OPCML: variants seen among roughly 807,000 people sequenced by gnomAD.
OPCML encodes the protein opioid-binding protein/cell adhesion molecule.
In OPCML, 13 loss-of-function variants were observed where a neutral mutation model predicts 37.8. The ratio of observed to expected loss-of-function variants is 0.34; its 90% confidence interval spans 0.22 to 0.55. The LOEUF is 0.55. Ranked by LOEUF, OPCML falls within the 20% of genes least tolerant of loss-of-function variation. The pLI, the probability that OPCML is intolerant of heterozygous loss-of-function variation, is 0.91. For synonymous variants in OPCML, 176 were observed against 168.8 expected, an observed-to-expected ratio of 1.04 and a Z score of -0.33; for missense variants, 341 against 435.6, an observed-to-expected ratio of 0.78 and a Z score of 1.93.
At chr11:132,924,478 T>C (rs2136602077) in intron 2 of OPCML, among the ~76,000 whole-genome samples, 1 of 152,330 alleles carries the variant, frequency 6.6e-6, no homozygotes, top group African/African-American at 2.4e-5. Context: ...AGCAAGTCTA[T>C]TGAAGACAAA....
chr11:133,356,055 A>G (rs1944282223), intron 1 of OPCML, among the ~76,000 whole-genome samples: 1 of 152,238 alleles, frequency 6.6e-6, no homozygotes, highest in Non-Finnish European at 1.5e-5. Context: ...GACAGGTTGA[A>G]TTGTAGAACC....
intron 1 of OPCML, among the ~76,000 whole-genome samples, chr11:133,449,645 GTC>G (rs1188600183): frequency 1.3e-5 from 2 of 151,836 alleles, no homozygotes; most frequent in East Asian, 3.9e-4. Context: ...CATCACTCCA[GTC>G]TCTATCTTCA....
At chr11:132,975,995 C>T (rs1946454485) in intron 1 of OPCML, among the ~76,000 whole-genome samples, 1 of 152,192 alleles carries the variant, frequency 6.6e-6, no homozygotes, top group African/African-American at 2.4e-5. Context: ...TGGTCTCGAT[C>T]TCCTGACCTT....
At chr11:132,743,407 C>T (rs1945503842) in intron 2 of OPCML, among the ~76,000 whole-genome samples, 1 of 152,138 alleles carries the variant, frequency 6.6e-6, no homozygotes, top group Admixed American at 6.5e-5. Context: ...AATATTTTCA[C>T]ACCTCCCTCA....
rs1345125098 is a variant in OPCML, at chr11:133,174,410, T to G, written c.62-231400A>C. On this transcript the variant is annotated intron_variant, in intron 1 of 7. Transcript: ENST00000524381. The surrounding 1 kb of genome is among the most constrained non-coding windows in gnomAD (Gnocchi z 4.6). Reference sequence around the variant, plus strand: ...GGTAGTGAAATAAGGCAGCTAAACCTTACCTCTGGATATAGGAGAAGGAAT... The same window carrying G: ...GGTAGTGAAATAAGGCAGCTAAACCGTACCTCTGGATATAGGAGAAGGAAT... Among the ~76,000 whole-genome samples, 1 of 152,078 alleles carries G rather than the reference T, an allele frequency of 6.6e-6. No individual in the cohort carries two copies. The highest frequency in any genetic ancestry group is 2.4e-5 in the African/African-American group (1 of 41,398).
rs149872364 is a variant in OPCML at position 133,038,207 on chromosome 11, C to A, written c.62-95197G>T. On this transcript the variant is annotated intron_variant, in intron 1 of 7. Coordinates refer to ENST00000524381, the MANE Select transcript of OPCML (RefSeq NM_001012393.5). ...CCCTGGGCGCTGGCCCTGTCTGTCC[C>A]TTCCCACACCCAGCCATGCCATGTG... is the stretch of plus-strand genomic sequence containing the variant. Among the ~76,000 whole-genome samples the A allele has an allele frequency of 2.6e-5, 4 of 152,314 alleles. No individual in the cohort carries two copies. The East Asian group carries it at 7.7e-4, about 29-fold the overall frequency.
intron 1 of OPCML, among the ~76,000 whole-genome samples, chr11:133,246,086 C>T (rs1003840944): frequency 6.6e-6 from 1 of 152,050 alleles, no homozygotes; most frequent in Admixed American, 6.5e-5. Context: ...TGTAAAAAAC[C>T]ACTTTCTGCA....
intron 2 of OPCML, among the ~76,000 whole-genome samples, chr11:132,941,168 A>G (rs1275616183): frequency 3.9e-5 from 6 of 152,178 alleles, no homozygotes; most frequent in Non-Finnish European, 8.8e-5. Context: ...GCTGCTCAAC[A>G]TTAGAATTGA....
Position 132,534,584 on chromosome 11 carries a change from A to G in OPCML, c.380-5398T>C, listed in dbSNP as rs547912210. On this transcript the variant is annotated intron_variant, in intron 3 of 7. Coordinates refer to ENST00000524381, the MANE Select transcript of OPCML (RefSeq NM_001012393.5). ...GATTGAAATGTGTGATTTTGCACAT[A>G]TCAGCCCCACCCTGCATAAAGTTGA... Among the ~76,000 whole-genome samples, 3 of 152,312 alleles carry G rather than the reference A, an allele frequency of 2.0e-5. No individual in the cohort carries two copies. The East Asian group carries it at 5.8e-4, about 29-fold the overall frequency.
At chr11:132,961,945 C>T (rs1946101019) in intron 1 of OPCML, among the ~76,000 whole-genome samples, 1 of 152,222 alleles carries the variant, frequency 6.6e-6, no homozygotes, top group Non-Finnish European at 1.5e-5. Flanking sequence ...AAAGCACTCC[C>T]TCTGTCTTCT....
intron 3 of OPCML, among the ~76,000 whole-genome samples, chr11:132,532,128 G>A (rs2096327227): frequency 6.6e-6 from 1 of 152,136 alleles, no homozygotes; most frequent in South Asian, 2.1e-4. Flanking sequence ...AAATTCCATG[G>A]ATGCTTAGCA....
intron 1 of OPCML, among the ~76,000 whole-genome samples, chr11:133,453,516 C>A (rs981952278): frequency 1.3e-5 from 2 of 152,288 alleles, no homozygotes; most frequent in East Asian, 3.9e-4. Context: ...AAAATGAAGA[C>A]AAGCCAAACA....
chr11:133,189,770 C>G (rs1938228339), intron 1 of OPCML, among the ~76,000 whole-genome samples: 1 of 152,194 alleles, frequency 6.6e-6, no homozygotes, highest in South Asian at 2.1e-4. Flanking sequence ...GGGCTCCAAT[C>G]AATTCAAGGT....
At chr11:132,509,096 T>C (rs1231317477) in intron 4 of OPCML, among the ~76,000 whole-genome samples, 1 of 152,080 alleles carries the variant, frequency 6.6e-6, no homozygotes, top group African/African-American at 2.4e-5. Context: ...ATGAGGAACT[T>C]GTTGGGAAGT....
At position 132,977,127 on chromosome 11, in the gene OPCML, G is replaced by A. The variant is rs578059768; in HGVS notation, c.62-34117C>T. On this transcript the variant is annotated intron_variant, in intron 1 of 7. Transcript: ENST00000524381. ...CATCATCTCTTTTCAATGTCTATTT[G>A]CAAGGTAGTTGGTATGTCTCATAAA... Among the ~76,000 whole-genome samples the A allele has an allele frequency of 3.3e-5, 5 of 152,326 alleles. No homozygotes were observed. In the South Asian group the frequency reaches 1.0e-3, roughly 32 times the overall value.
chr11:132,981,960 C>T (rs563275213), intron 1 of OPCML, among the ~76,000 whole-genome samples: 1 of 152,274 alleles, frequency 6.6e-6, no homozygotes, highest in African/African-American at 2.4e-5. Flanking sequence ...GTCACATATC[C>T]AAACATTTGT....
chr11:133,306,139 A>C (rs939282696), intron 1 of OPCML, among the ~76,000 whole-genome samples: 1 of 152,194 alleles, frequency 6.6e-6, no homozygotes, highest in African/African-American at 2.4e-5. Flanking sequence ...ACTGGCATAC[A>C]TCAGTAGAAA....
chr11:132,479,503 C>T (rs185801305), intron 4 of OPCML, among the ~76,000 whole-genome samples: 5,190 of 152,178 alleles, frequency 0.034, 281 homozygotes, highest in African/African-American at 0.11. Flanking sequence ...CCAGAAAGCT[C>T]GAACTGGGTG....
chr11:133,326,949 G>A (rs867506900), intron 1 of OPCML, among the ~76,000 whole-genome samples: 2 of 145,882 alleles, frequency 1.4e-5, no homozygotes, highest in South Asian at 2.2e-4. Flanking sequence ...TGGGTGGGGT[G>A]TGTGTATGAG....
Sources: gnomAD v4.1 joint callset for allele counts (sites outside exome capture counted in the v4.1 genomes callset) on GRCh38, gnomAD v4.1.1 for gene constraint, Gnocchi (gnomAD v3.1) non-coding constraint, MANE v1.5 for transcripts, NCBI Gene and HGNC (gene_info 2026-07-23, HGNC 2026-07-21) for gene names.